DIP2B: variants seen among roughly 807,000 people sequenced by gnomAD.
The protein encoded by DIP2B is disco-interacting protein 2 homolog B.
In DIP2B, 76 loss-of-function variants were observed where a neutral mutation model predicts 198.0. The ratio of observed to expected loss-of-function variants is 0.38; its 90% CI spans 0.32 to 0.46. The LOEUF is 0.46. DIP2B is among the 20% of genes least tolerant of loss of function. DIP2B has a pLI of 0.99. For synonymous variants in DIP2B, 701 were observed against 739.1 expected, an observed-to-expected ratio of 0.95 and a Z score of 0.84; for missense variants, 1,559 against 1,978.4, an observed-to-expected ratio of 0.79 and a Z score of 4.02.
intron 1 of DIP2B, among the ~76,000 whole-genome samples, chr12:50,570,770 A>G (rs1038441848): frequency 5.9e-5 from 9 of 152,274 alleles, no homozygotes; most frequent in African/African-American, 1.9e-4. Context: ...ATATGGATAT[A>G]TGATGCATAA....
intron 1 of DIP2B, among the ~76,000 whole-genome samples, chr12:50,517,259 T>C (rs1958074335): frequency 6.6e-6 from 1 of 151,748 alleles, no homozygotes; most frequent in African/African-American, 2.4e-5. Context: ...TTAAATTAAA[T>C]AGAGATGGGG....
intron 1 of DIP2B, among the ~76,000 whole-genome samples, chr12:50,605,691 C>T (rs1219498976): frequency 6.6e-6 from 1 of 152,158 alleles, no homozygotes; most frequent in Non-Finnish European, 1.5e-5. Flanking sequence ...TAAATGGAGT[C>T]ATAGAAAGTA....
intron 1 of DIP2B, among the ~76,000 whole-genome samples, chr12:50,547,882 A>G (rs1253123261): frequency 6.6e-6 from 1 of 152,096 alleles, no homozygotes; most frequent in Non-Finnish European, 1.5e-5. Flanking sequence ...CAACTTGGGC[A>G]ATGTAGTGAG....
intron 1 of DIP2B, among the ~76,000 whole-genome samples, chr12:50,603,415 G>A (rs1056537000): frequency 8.5e-5 from 13 of 152,100 alleles, no homozygotes; most frequent in Non-Finnish European, 1.5e-4. Context: ...CCTAGGCTAC[G>A]CAAGTAAGGT....
At chr12:50,718,417 G>C (rs1210068951) in intron 23 of DIP2B, among the ~76,000 whole-genome samples, 1 of 152,110 alleles carries the variant, frequency 6.6e-6, no homozygotes, top group African/African-American at 2.4e-5. Flanking sequence ...TAGAATAGCT[G>C]CCTCCTTCCC....
chr12:50,721,256 C>T lies in DIP2B; in HGVS notation c.3043-17C>T. On this transcript the variant is annotated splice_polypyrimidine_tract_variant and intron_variant, in intron 25 of 37. Transcript: ENST00000301180. ...CTTTCTGAGCTTTGACCCGCTTATC[C>T]TTTCTGTTGTTTAAAGGGAACCACT... The T allele has an allele frequency of 2.5e-6, 4 of 1,611,744 alleles. No homozygotes were observed. Among genetic ancestry groups the T allele is most frequent in the Non-Finnish European group, 3.4e-6 (4 of 1,178,890 alleles).
intron 37 of DIP2B, among the ~76,000 whole-genome samples, chr12:50,743,874 T>TA (rs1229041688): frequency 6.6e-6 from 1 of 152,240 alleles, no homozygotes; most frequent in African/African-American, 2.4e-5. Flanking sequence ...ACTGTCGCCT[T>TA]ACTTTCTAGA....
At position 50,511,295 on chromosome 12, in the gene DIP2B, T is replaced by TTTTTTTTTTTC. The variant is rs1343006866; in HGVS notation, c.100+6065_100+6066insCTTTTTTTTTT. Reference sequence around the variant, plus strand: ...TCCCTGACCAGTGTGATTTCTATTTTTTTTTTTTTTTTTTTTTGAGACAGG... The same window carrying TTTTTTTTTTTC: ...TCCCTGACCAGTGTGATTTCTATTTTTTTTTTTTTTCTTTTTTTTTTTTTTTTTGAGACAGG... On this transcript the variant is annotated intron_variant, in intron 1 of 37. Transcript: ENST00000301180. 6.2e-5 allele frequency among the ~76,000 whole-genome samples: 7 copies of TTTTTTTTTTTC among 112,138 alleles called. 1 individual carries two copies. The East Asian group carries it at 2.0e-3, about 32-fold the overall frequency. 73.6% of individuals were successfully genotyped at this position (112,138 alleles called of 152,430 possible).
intron 1 of DIP2B, among the ~76,000 whole-genome samples, chr12:50,505,964 C>A (rs879756737): frequency 7.9e-5 from 12 of 151,492 alleles, no homozygotes; most frequent in Non-Finnish European, 1.8e-4. Flanking sequence ...CGTTTACTTG[C>A]AAATCCTGGC....
At chr12:50,695,123 A>G in intron 14 of DIP2B, 144 bp from the exon 15 acceptor site, 1 of 594,784 alleles carries the variant, frequency 1.7e-6, no homozygotes, top group Non-Finnish European at 2.7e-6. Flanking sequence ...TCAATCTTAT[A>G]TTTAATATTT....
chr12:50,545,690 T>C (rs1317110086), intron 1 of DIP2B, among the ~76,000 whole-genome samples: 7 of 151,210 alleles, frequency 4.6e-5, no homozygotes, highest in African/African-American at 1.2e-4. Flanking sequence ...TTTTTTTTTT[T>C]CATAACGCTA....
chr12:50,720,426 ATT>A (rs199799937), intron 25 of DIP2B, among the ~76,000 whole-genome samples: 185 of 142,114 alleles, frequency 1.3e-3, no homozygotes, highest in African/African-American at 4.3e-3. Context: ...CTGGAATCTG[ATT>A]TTTTTTTTTT....
chr12:50,721,217 T>G, intron 25 of DIP2B, 56 bp from the exon 26 acceptor site: 1 of 1,591,678 alleles, frequency 6.3e-7, no homozygotes, highest in Non-Finnish European at 8.6e-7. Context: ...GCTGTGCTTA[T>G]TACTGTTTAT....
chr12:50,611,423 T>C (rs1260274913), intron 1 of DIP2B, among the ~76,000 whole-genome samples: 1 of 152,202 alleles, frequency 6.6e-6, no homozygotes, highest in Non-Finnish European at 1.5e-5. Flanking sequence ...TTCCTAAGAG[T>C]GTTATTAACG....
chr12:50,683,497 C>T (rs556597166), intron 10 of DIP2B, among the ~76,000 whole-genome samples: 7 of 152,008 alleles, frequency 4.6e-5, no homozygotes, highest in African/African-American at 7.3e-5. Context: ...ATCACTGGGG[C>T]GAGGCCGGGC....
chr12:50,702,871 T>C (rs1300679816), intron 19 of DIP2B, among the ~76,000 whole-genome samples: 1 of 151,754 alleles, frequency 6.6e-6, no homozygotes. Context: ...TTCAGACATA[T>C]TACTTATAAA....
chr12:50,737,086 G>T lies in DIP2B; in HGVS notation c.4152G>T (p.Pro1384=), dbSNP rs141436517. Reference sequence around the variant, plus strand: ...TTGTTAATCCTGAGACCAAAGGGCCGGTTGGAGACTCTCACCTTGGAGAGG... The same window carrying T: ...TTGTTAATCCTGAGACCAAAGGGCCTGTTGGAGACTCTCACCTTGGAGAGG... ...VVIVNPETKG[P]VGDSHLGEIW... Residue 1384 remains proline, a synonymous_variant, in exon 35 of 38, where the codon CCG becomes CCT. Coordinates refer to ENST00000301180, the MANE Select transcript of DIP2B (RefSeq NM_173602.3). 5 of 1,613,964 alleles carry T rather than the reference G, an allele frequency of 3.1e-6. No homozygotes were observed. Among genetic ancestry groups the T allele is most frequent in the Non-Finnish European group, 4.2e-6 (5 of 1,179,948 alleles).
intron 1 of DIP2B, among the ~76,000 whole-genome samples, chr12:50,587,560 C>T (rs1298065756): frequency 6.6e-6 from 1 of 152,106 alleles, no homozygotes; most frequent in Admixed American, 6.6e-5. Context: ...ATAGAAATGC[C>T]TAAGGCCAGA....
At chr12:50,703,193 A>C (rs923714046) in intron 19 of DIP2B, among the ~76,000 whole-genome samples, 21 of 152,090 alleles carry the variant, frequency 1.4e-4, no homozygotes, top group African/African-American at 4.8e-4. Flanking sequence ...ATTGCACTCC[A>C]GCCTGGGCAA....
Sources: gnomAD v4.1 joint callset for allele counts (sites outside exome capture counted in the v4.1 genomes callset) on GRCh38, gnomAD v4.1.1 for gene constraint, MANE v1.5 for transcripts, NCBI Gene and HGNC (gene_info 2026-07-23, HGNC 2026-07-21) for gene names.